The following TES variants were observed in gnomAD, a reference collection of about 807,000 sequenced individuals.
TES encodes testin LIM domain protein.
TES carries 41 observed loss-of-function variants against 48.2 expected under a neutral mutation model. The ratio of observed to expected loss-of-function variants is 0.85; its 90% CI spans 0.66 to 1.10. The LOEUF is 1.10. Among genes scored for constraint, TES ranks in the 50% least tolerant of loss-of-function variants. The pLI is 0.00. For synonymous variants in TES, 162 were observed against 174.9 expected, an observed-to-expected ratio of 0.93 and a Z score of 0.58; for missense variants, 463 against 515.1, an observed-to-expected ratio of 0.90 and a Z score of 0.98.
chr7:116,254,709 C>T (rs777853770), intron 6 of TES, among the ~76,000 whole-genome samples: 13 of 150,738 alleles, frequency 8.6e-5, no homozygotes, highest in Non-Finnish European at 1.9e-4. Context: ...GCACCCCAAG[C>T]CCAGGTGATT....
chr7:116,219,246 A>G (rs1291940684), intron 1 of TES, among the ~76,000 whole-genome samples: 1 of 152,152 alleles, frequency 6.6e-6, no homozygotes, highest in Non-Finnish European at 1.5e-5. Context: ...CACCCTTGAC[A>G]TTTTCAGTTT....
rs767751593 is a variant in TES, at chr7:116,249,267, G to A, written c.361G>A (p.Ala121Thr). The change falls in exon 3 of 7, where the codon GCA becomes ACA. Residue 121 changes from alanine (A) to threonine (T), a missense_variant. Transcript: ENST00000358204. ...YEWAPPVQNQ[A>T]LARQYMQMLP... is the part of the protein sequence containing the mutation. ...GTGGGCTCCTCCTGTCCAGAATCAA[G>A]CATTGGTAAATGATATGGAACAGAG... The A allele has an allele frequency of 6.2e-7, 1 of 1,613,930 alleles. No homozygotes were observed. The highest frequency in any genetic ancestry group is 1.1e-5 in the South Asian group (1 of 91,074).
chr7:116,229,755 A>C (rs1015373274), intron 1 of TES, among the ~76,000 whole-genome samples: 7 of 152,212 alleles, frequency 4.6e-5, no homozygotes, highest in Admixed American at 2.6e-4. Flanking sequence ...GCTACTGTGT[A>C]ATTTTATAAT....
intron 1 of TES, among the ~76,000 whole-genome samples, chr7:116,224,168 C>T (rs2116580313): frequency 6.6e-6 from 1 of 152,300 alleles, no homozygotes; most frequent in Middle Eastern, 3.4e-3. Flanking sequence ...GGGTCTCTCC[C>T]TAGTCGATCC....
rs199692599 is a variant in TES, at chr7:116,257,278, T to C, written c.1078-16T>C. ...CTTGATCTCTCACCCTCTTCTCTTG[T>C]ATTATTTCTTAATAGGTGTGTCAAG... On this transcript the variant is annotated splice_polypyrimidine_tract_variant and intron_variant, in intron 6 of 6. Transcript: ENST00000358204. 1.2e-4 allele frequency: 195 copies of C among 1,586,264 alleles called. No individual in the cohort carries two copies. Among genetic ancestry groups the C allele is most frequent in the Non-Finnish European group, 1.6e-4 (189 of 1,165,206 alleles).
intron 1 of TES, among the ~76,000 whole-genome samples, chr7:116,232,444 A>C (rs980235565): frequency 1.3e-5 from 2 of 152,226 alleles, no homozygotes; most frequent in Admixed American, 6.5e-5. Context: ...ATTTGGGATT[A>C]GAGTTTATTT....
chr7:116,252,189 A>C (rs988765770), intron 5 of TES, 129 bp from the exon 6 acceptor site: 1 of 1,100,738 alleles, frequency 9.1e-7, no homozygotes. Flanking sequence ...TTTAGACTAA[A>C]CTAAGTGATA....
intron 1 of TES, chr7:116,223,059 A>G: frequency 2.2e-6 from 2 of 925,734 alleles, no homozygotes; most frequent in Non-Finnish European, 2.6e-6. Context: ...TTCATACAGT[A>G]GTATAAAAAT....
chr7:116,229,033 T>TATAA lies in TES; in HGVS notation c.28-5500_28-5499insTAAA, dbSNP rs1417517023. On this transcript the variant is annotated intron_variant, in intron 1 of 6. Transcript: ENST00000358204. Reference sequence around the variant, plus strand: ...ATATATATATATATATATATATATATAATCATTTCCTTAATATTTGGTAAT... The same window carrying TATAA: ...ATATATATATATATATATATATATATATAAAATCATTTCCTTAATATTTGGTAAT... Among the ~76,000 whole-genome samples the TATAA allele has an allele frequency of 4.3e-3, 492 of 115,378 alleles. 12 individuals are homozygous for TATAA. The highest frequency in any genetic ancestry group is 0.016 in the African/African-American group (463 of 29,416). 75.7% of individuals were successfully genotyped at this position (115,378 alleles called of 152,430 possible).
At chr7:116,215,602 C>A (rs1799485154) in intron 1 of TES, among the ~76,000 whole-genome samples, 1 of 152,168 alleles carries the variant, frequency 6.6e-6, no homozygotes, top group South Asian at 2.1e-4. Flanking sequence ...CTCCCAACTT[C>A]CTGACTTTTG....
intron 3 of TES, chr7:116,249,474 T>TA: frequency 1.7e-6 from 1 of 584,770 alleles, no homozygotes; most frequent in South Asian, 2.4e-5. Context: ...ACTCCCTAGA[T>TA]ATGTTTACCT....
chr7:116,247,204 G>C (rs117227036), intron 2 of TES, among the ~76,000 whole-genome samples: 173 of 151,930 alleles, frequency 1.1e-3, no homozygotes, highest in Non-Finnish European at 2.1e-3. Flanking sequence ...GAGGGCAAAA[G>C]AAATTGAGAA....
At position 116,257,526 on chromosome 7, in the gene TES, G is replaced by T; in HGVS notation, c.*44G>T. ...TATCGAGCCATAGCTATCCAAAGTGGTCTGCATTTCTACTGTAAAATGCAA... is the reference window on the plus strand; with the variant it reads ...TATCGAGCCATAGCTATCCAAAGTGTTCTGCATTTCTACTGTAAAATGCAA... On this transcript the variant is annotated 3_prime_UTR_variant, in exon 7 of 7. Coordinates refer to ENST00000358204, the MANE Select transcript of TES (RefSeq NM_015641.4). 7.1e-7 allele frequency: 1 copy of T among 1,402,484 alleles called. No individual in the cohort carries two copies. The highest frequency in any genetic ancestry group is 9.4e-7 in the Non-Finnish European group (1 of 1,063,206). 86.9% of individuals were successfully genotyped at this position (1,402,484 alleles called of 1,614,324 possible).
At chr7:116,234,666 C>T (rs753819943) in intron 2 of TES, 47 bp downstream of exon 2, 1 of 1,482,848 alleles carries the variant, frequency 6.7e-7, no homozygotes, top group East Asian at 2.3e-5. Flanking sequence ...ATACTTTTTG[C>T]AATACTTCCT....
Position 116,229,033 on chromosome 7 carries a change from T to TATATATATATATAA in TES, c.28-5500_28-5499insTATATATATATAAA, listed in dbSNP as rs1417517023. 2.9e-3 allele frequency among the ~76,000 whole-genome samples: 329 copies of TATATATATATATAA among 115,152 alleles called. 1 individual carries two copies. The highest frequency in any genetic ancestry group is 7.7e-3 in the African/African-American group (226 of 29,298). The allele number at this position is 115,152 out of a possible 152,430, so 75.5% of individuals were successfully genotyped here. ...ATATATATATATATATATATATATA[T>TATATATATATATAA]AATCATTTCCTTAATATTTGGTAAT... On this transcript the variant is annotated intron_variant, in intron 1 of 6. Coordinates refer to ENST00000358204, the MANE Select transcript of TES (RefSeq NM_015641.4).
intron 1 of TES, among the ~76,000 whole-genome samples, chr7:116,218,798 A>C (rs556394059): frequency 6.6e-6 from 1 of 152,258 alleles, no homozygotes; most frequent in African/African-American, 2.4e-5. Flanking sequence ...ACAATTTCTT[A>C]TCTGGGATGA....
chr7:116,238,653 G>A (rs1799805667), intron 2 of TES, among the ~76,000 whole-genome samples: 1 of 151,492 alleles, frequency 6.6e-6, no homozygotes, highest in African/African-American at 2.4e-5. Flanking sequence ...CCAGGCTGGA[G>A]TGCAATGGTG....
At chr7:116,228,013 T>C (rs1010438172) in intron 1 of TES, among the ~76,000 whole-genome samples, 7 of 138,200 alleles carry the variant, frequency 5.1e-5, no homozygotes, top group Admixed American at 3.5e-4. Flanking sequence ...TTTTTGTTTT[T>C]TTTTTTTTGT....
intron 1 of TES, chr7:116,211,586 G>T (rs898395718): frequency 2.8e-4 from 43 of 152,230 alleles, no homozygotes; most frequent in African/African-American, 1.0e-3. Context: ...TGCCCTGTGC[G>T]AAAGTTCTCC....
Sources: allele counts gnomAD v4.1 joint callset (sites outside exome capture counted in the v4.1 genomes callset), GRCh38; gene constraint gnomAD v4.1.1; transcripts MANE v1.5; gene names NCBI Gene and HGNC (gene_info 2026-07-23, HGNC 2026-07-21).